Variants in TSPEAR observed in about 807,000 individuals in gnomAD.
TSPEAR encodes the protein thrombospondin type laminin G domain and EAR repeats, also known as thrombospondin-type laminin G domain and EAR repeat-containing protein.
TSPEAR carries 69 observed loss-of-function variants against 71.6 expected under a neutral mutation model. The ratio of observed to expected loss-of-function variants is 0.96; its 90% CI spans 0.79 to 1.18. The LOEUF is 1.18. Ranked by LOEUF, TSPEAR falls within the 50% of genes most tolerant of loss-of-function variation. TSPEAR has a pLI of 0.00. For missense variants in TSPEAR, 971 were observed against 894.9 expected (o/e 1.09, Z -1.09); for synonymous variants, 402 against 387.2 (o/e 1.04, Z -0.45).
rs782335154 is a variant in TSPEAR at position 44,574,488 on chromosome 21, T to A, written c.83-6483A>T. The A allele has an allele frequency of 1.9e-6, 3 of 1,610,828 alleles. No individual in the cohort carries two copies. The South Asian group carries it at 3.3e-5, about 18-fold the overall frequency. On this transcript the variant is annotated intron_variant, in intron 1 of 11. Coordinates refer to ENST00000323084, the MANE Select transcript of TSPEAR (RefSeq NM_144991.3). ...GACTGTCTGCTGCAAGCCTGTGTGCTCTGAGGATTCCTCTTCATGCTGCCA... is the reference window on the plus strand; with the variant it reads ...GACTGTCTGCTGCAAGCCTGTGTGCACTGAGGATTCCTCTTCATGCTGCCA...
chr21:44,711,496 G>C lies in TSPEAR; in HGVS notation c.19C>G (p.Leu7Val). MSALLSLCFVLPLAAPG... is the reference protein window; with the variant it reads MSALLSVCFVLPLAAPG... ...GCCGCCAGGGGCAGCACAAAACACA[G>C]ACTCAGCAGGGCAGACATGAGGGGC... Residue 7 changes from leucine (L) to valine (V), a missense_variant, in exon 1 of 12, where the codon CTG (leucine) becomes GTG (valine). By Grantham distance (32) the Leu-to-Val change is conservative. Coordinates refer to ENST00000323084, the MANE Select transcript of TSPEAR (RefSeq NM_144991.3). This position sits in a 1 kb window ranked among gnomAD's most constrained non-coding sequence, Gnocchi z 4.5. 3 of 1,611,986 alleles carry C rather than the reference G, an allele frequency of 1.9e-6. No individual in the cohort carries two copies. Among genetic ancestry groups the C allele is most frequent in the Non-Finnish European group, 2.5e-6 (3 of 1,179,454 alleles).
At chr21:44,697,249 T>C (rs782286588) in intron 1 of TSPEAR, 1 of 1,614,074 alleles carries the variant, frequency 6.2e-7, no homozygotes, top group Admixed American at 1.7e-5. Flanking sequence ...GCGTCTGCCT[T>C]CCTGGTTCCT....
Position 44,539,912 on chromosome 21 carries a change from C to T in TSPEAR, c.304-5989G>A, listed in dbSNP as rs782263703. 6.8e-6 allele frequency: 11 copies of T among 1,613,906 alleles called. No homozygotes were observed. The South Asian group carries it at 1.1e-4, about 16-fold the overall frequency. On this transcript the variant is annotated intron_variant, in intron 2 of 11. Transcript: ENST00000323084. ...AGCCGGCTGGCAGCTAGACTGCTGG[C>T]AGCACGAGGGCGTGCAGGAGCTGGT...
chr21:44,608,531 A>G (rs1300889612), intron 1 of TSPEAR, among the ~76,000 whole-genome samples: 1 of 152,244 alleles, frequency 6.6e-6, no homozygotes, highest in Admixed American at 6.5e-5. Flanking sequence ...TATTCAGAAT[A>G]CATAATAAAT....
chr21:44,517,682 T>G, intron 9 of TSPEAR: 1 of 449,796 alleles, frequency 2.2e-6, no homozygotes. Context: ...GCCACTGACA[T>G]GTGGGAGCCG....
intron 1 of TSPEAR, chr21:44,579,469 G>A (rs1424819844): frequency 9.2e-6 from 5 of 545,954 alleles, no homozygotes; most frequent in Non-Finnish European, 1.6e-5. Context: ...GCGACCAAGG[G>A]GAGTTTATTG....
At chr21:44,650,420 C>CGGCGGCAGAGACTGGGGCCACGTGATGAT (rs1984709565) in intron 1 of TSPEAR, among the ~76,000 whole-genome samples, 1 of 149,426 alleles carries the variant, frequency 6.7e-6, no homozygotes, top group African/African-American at 2.5e-5. Flanking sequence ...CATGTGACGA[C>CGGCGGCAGAGACTGGGGCCACGTGATGAT]GGCGGCAGAG....
chr21:44,665,915 T>C (rs1364163900), intron 1 of TSPEAR, among the ~76,000 whole-genome samples: 14 of 152,184 alleles, frequency 9.2e-5, no homozygotes, highest in African/African-American at 1.2e-4. Flanking sequence ...GCAGGGCTTG[T>C]TGGCCTGGAG....
At chr21:44,690,369 C>G (rs552396506) in intron 1 of TSPEAR, among the ~76,000 whole-genome samples, 1 of 152,154 alleles carries the variant, frequency 6.6e-6, no homozygotes, top group Admixed American at 6.5e-5. Context: ...GAAAAATGAA[C>G]GGAAAAATCC....
At chr21:44,672,484 G>A (rs1015070439) in intron 1 of TSPEAR, among the ~76,000 whole-genome samples, 2 of 152,152 alleles carry the variant, frequency 1.3e-5, no homozygotes, top group African/African-American at 4.8e-5. Context: ...ACAGGAAAAT[G>A]GCGTGAACCT....
At chr21:44,677,910 C>A in intron 1 of TSPEAR, 7 of 1,396,728 alleles carry the variant, frequency 5.0e-6, no homozygotes, top group Non-Finnish European at 7.0e-6. Flanking sequence ...GATAGTGCCA[C>A]CAATACCTCC....
At chr21:44,694,890 G>A (rs1555950259) in intron 1 of TSPEAR, among the ~76,000 whole-genome samples, 1 of 152,190 alleles carries the variant, frequency 6.6e-6, no homozygotes, top group Non-Finnish European at 1.5e-5. Flanking sequence ...GAATAAACCT[G>A]CTGAGGACAC....
chr21:44,567,504 A>G (rs1323132911), intron 2 of TSPEAR, among the ~76,000 whole-genome samples: 2 of 152,172 alleles, frequency 1.3e-5, no homozygotes, highest in Non-Finnish European at 2.9e-5. Context: ...TTTTATTGTT[A>G]GCGCTTCCTG....
intron 8 of TSPEAR, among the ~76,000 whole-genome samples, chr21:44,524,068 CAGGT>C (rs1347231846): frequency 2.0e-5 from 3 of 150,810 alleles, no homozygotes; most frequent in Non-Finnish European, 4.4e-5. Flanking sequence ...ATCAGTCAGT[CAGGT>C]AGTTAGGCAA....
At chr21:44,643,906 A>T (rs1984157299) in intron 1 of TSPEAR, among the ~76,000 whole-genome samples, 1 of 152,270 alleles carries the variant, frequency 6.6e-6, no homozygotes, top group African/African-American at 2.4e-5. Context: ...GGCTGCTGTC[A>T]TCGCGTCTCC....
chr21:44,593,618 C>A lies in TSPEAR; in HGVS notation c.83-25613G>T, dbSNP rs9983964. 0.089 allele frequency among the ~76,000 whole-genome samples: 13,585 copies of A among 152,028 alleles called. 1,769 individuals are homozygous for A. The highest frequency in any genetic ancestry group is 0.28 in the African/African-American group (11,722 of 41,400). On this transcript the variant is annotated intron_variant, in intron 1 of 11. Coordinates refer to ENST00000323084, the MANE Select transcript of TSPEAR (RefSeq NM_144991.3). This position sits in a 1 kb window ranked among gnomAD's most constrained non-coding sequence, Gnocchi z 5.9. ...GTTACACCCCCTCCCTTTAGGGTTT[C>A]GACACAACCACTACCCAGCACTAAA... is the stretch of plus-strand genomic sequence containing the variant.
intron 2 of TSPEAR, among the ~76,000 whole-genome samples, chr21:44,547,181 A>G (rs1194299275): frequency 6.6e-6 from 1 of 151,992 alleles, no homozygotes; most frequent in African/African-American, 2.4e-5. Flanking sequence ...ATCATGAATT[A>G]TTTATTTCAG....
rs782606015 is a variant in TSPEAR, at chr21:44,525,720, G to A, written c.1269C>T (p.Ser423=). ...CCTCGAAGGCCTCCCAGTCTCGGGC[G>A]CTGTGTGTGGCAATGCTCTGATATG... is the stretch of plus-strand genomic sequence containing the variant. ...FTPYQSIATH[S]ARDWEAFEVD... The change falls in exon 8 of 12, where the codon AGC becomes AGT. Residue 423 remains serine (S), a synonymous_variant. Coordinates refer to ENST00000323084, the MANE Select transcript of TSPEAR (RefSeq NM_144991.3). 17 of 1,614,062 alleles carry A rather than the reference G, an allele frequency of 1.1e-5. No individual in the cohort carries two copies. Among genetic ancestry groups the A allele is most frequent in the South Asian group, 4.4e-5 (4 of 91,084 alleles).
intron 1 of TSPEAR, among the ~76,000 whole-genome samples, chr21:44,680,353 A>C (rs1555947725): frequency 1.3e-5 from 2 of 152,212 alleles, no homozygotes; most frequent in African/African-American, 4.8e-5. Flanking sequence ...GCATCATCTT[A>C]CCCCAATTAG....
Sources: allele counts gnomAD v4.1 joint callset (sites outside exome capture counted in the v4.1 genomes callset), GRCh38; gene constraint gnomAD v4.1.1; non-coding constraint Gnocchi (gnomAD v3.1); transcripts MANE v1.5; gene names NCBI Gene and HGNC (gene_info 2026-07-23, HGNC 2026-07-21).